The following NLGN1 variants were observed in gnomAD, a reference collection of about 807,000 sequenced individuals.
NLGN1 encodes neuroligin-1.
Under a neutral mutation model 65.5 loss-of-function variants are expected in NLGN1, and 12 were observed. The ratio of observed to expected loss-of-function variants is 0.18; its 90% CI spans 0.12 to 0.30. NLGN1 has a LOEUF of 0.30. Ranked by LOEUF, NLGN1 falls within the 10% of genes least tolerant of loss-of-function variation. The probability of loss-of-function intolerance (pLI) is 1.00; values close to 1 mark genes in which losing one functional copy is unlikely to be tolerated. For synonymous variants in NLGN1, 350 were observed against 359.5 expected (o/e 0.97, Z 0.30); for missense variants, 750 against 1,007.1 (o/e 0.74, Z 3.46).
intron 2 of NLGN1, among the ~76,000 whole-genome samples, chr3:173,507,666 T>G (rs1732250471): frequency 6.7e-6 from 1 of 149,800 alleles, no homozygotes; most frequent in Non-Finnish European, 1.5e-5. Context: ...CTTTCCTTAC[T>G]TTCCCAAATA....
chr3:173,421,217 C>A (rs1461436667), intron 1 of NLGN1, among the ~76,000 whole-genome samples: 1 of 151,878 alleles, frequency 6.6e-6, no homozygotes, highest in Non-Finnish European at 1.5e-5. Flanking sequence ...TTGAAATAAT[C>A]TTAAATGCCT....
chr3:173,767,049 C>T (rs1778885276), intron 3 of NLGN1, among the ~76,000 whole-genome samples: 1 of 152,026 alleles, frequency 6.6e-6, no homozygotes, highest in Non-Finnish European at 1.5e-5. Flanking sequence ...ACAATGTATC[C>T]TGAGAGGGTA....
intron 2 of NLGN1, among the ~76,000 whole-genome samples, chr3:173,500,350 A>G (rs1730856202): frequency 6.6e-6 from 1 of 152,184 alleles, no homozygotes; most frequent in Admixed American, 6.5e-5. Flanking sequence ...ATGCTGGATT[A>G]CGTTTATTGA....
intron 1 of NLGN1, among the ~76,000 whole-genome samples, chr3:173,406,276 G>C (rs1238138027): frequency 6.6e-6 from 1 of 151,608 alleles, no homozygotes; most frequent in Non-Finnish European, 1.5e-5. Flanking sequence ...TTTCCACCAA[G>C]AACAAAGAAA....
At chr3:173,484,316 T>G (rs1291717714) in intron 2 of NLGN1, among the ~76,000 whole-genome samples, 1 of 152,114 alleles carries the variant, frequency 6.6e-6, no homozygotes, top group Non-Finnish European at 1.5e-5. Context: ...AATTCAAACT[T>G]TGAAACATTT....
intron 2 of NLGN1, among the ~76,000 whole-genome samples, chr3:173,590,698 C>CA (rs1485143153): frequency 6.6e-6 from 1 of 151,954 alleles, no homozygotes; most frequent in Non-Finnish European, 1.5e-5. Flanking sequence ...TTCATTTTTG[C>CA]TTTTTAAAAA....
At chr3:173,904,679 C>A (rs1218673498) in intron 4 of NLGN1, among the ~76,000 whole-genome samples, 1 of 152,102 alleles carries the variant, frequency 6.6e-6, no homozygotes, top group Non-Finnish European at 1.5e-5. Flanking sequence ...CACTCATATT[C>A]TTTTCTGGGT....
intron 1 of NLGN1, among the ~76,000 whole-genome samples, chr3:173,429,464 A>C (rs532470286): frequency 1.3e-5 from 2 of 152,302 alleles, no homozygotes; most frequent in South Asian, 4.1e-4. Flanking sequence ...CTGAGAGGTA[A>C]AAAATCACCA....
chr3:173,725,776 G>A (rs777704287), intron 3 of NLGN1, among the ~76,000 whole-genome samples: 25 of 152,206 alleles, frequency 1.6e-4, no homozygotes, highest in Non-Finnish European at 2.8e-4. Flanking sequence ...GAGGCTTGAC[G>A]GGGGAAAGAT....
chr3:173,630,236 G>T (rs544685002), intron 3 of NLGN1, among the ~76,000 whole-genome samples: 7 of 152,206 alleles, frequency 4.6e-5, no homozygotes, highest in African/African-American at 1.7e-4. Context: ...GAATTCCAAG[G>T]GACAGAATTA....
intron 4 of NLGN1, among the ~76,000 whole-genome samples, chr3:173,822,284 C>G (rs61110650): frequency 0.013 from 2,025 of 152,204 alleles, 82 homozygotes; most frequent in East Asian, 0.13. Flanking sequence ...TTTTCTCTAC[C>G]TATTCAGAGT....
intron 3 of NLGN1, among the ~76,000 whole-genome samples, chr3:173,642,904 C>T (rs989304561): frequency 2.6e-5 from 4 of 152,004 alleles, no homozygotes; most frequent in African/African-American, 7.2e-5. Context: ...CTGACCAATA[C>T]GTTAGAATTA....
intron 4 of NLGN1, among the ~76,000 whole-genome samples, chr3:174,265,880 AT>A (rs1377613277): frequency 7.6e-5 from 11 of 144,398 alleles, no homozygotes; most frequent in Non-Finnish European, 1.4e-4. Flanking sequence ...GTTATAATAT[AT>A]ATATACGTAT....
In NLGN1 at chr3:174,127,044, A is replaced by G. The variant is rs150181125; in HGVS notation, c.647-148271A>G. ...TCTCACCATTTTTTCCAAAAATGTC[A>G]TGGGGATAATATGATTTTATAGGTT... On this transcript the variant is annotated intron_variant, in intron 4 of 6. Coordinates refer to ENST00000457714, the Ensembl canonical transcript of NLGN1. 2.9e-3 allele frequency among the ~76,000 whole-genome samples: 445 copies of G among 152,206 alleles called. 3 individuals carry two copies. The highest frequency in any genetic ancestry group is 0.01 in the African/African-American group (428 of 41,546).
intron 4 of NLGN1, among the ~76,000 whole-genome samples, chr3:174,244,362 A>G (rs760047666): frequency 5.9e-5 from 9 of 152,212 alleles, no homozygotes; most frequent in Non-Finnish European, 1.2e-4. Flanking sequence ...GTTATCTACT[A>G]AGATGAAATT....
At chr3:173,530,741 C>T (rs1048931485) in intron 2 of NLGN1, among the ~76,000 whole-genome samples, 2 of 152,010 alleles carry the variant, frequency 1.3e-5, no homozygotes, top group African/African-American at 4.8e-5. Flanking sequence ...TGAGCAAATG[C>T]CTGCTCTTTT....
intron 3 of NLGN1, among the ~76,000 whole-genome samples, chr3:173,635,373 T>G (rs958315441): frequency 6.6e-6 from 1 of 152,166 alleles, no homozygotes; most frequent in Non-Finnish European, 1.5e-5. Flanking sequence ...TTCTCATTGG[T>G]TCTCAAACAA....
intron 3 of NLGN1, among the ~76,000 whole-genome samples, chr3:173,779,730 CTG>C (rs1459705247): frequency 6.6e-6 from 1 of 152,044 alleles, no homozygotes; most frequent in African/African-American, 2.4e-5. Flanking sequence ...GAAAATCAAA[CTG>C]TGTTTCAGAT....
At chr3:174,191,014 T>TGTGC (rs1223905425) in intron 4 of NLGN1, among the ~76,000 whole-genome samples, 1 of 152,094 alleles carries the variant, frequency 6.6e-6, no homozygotes, top group East Asian at 1.9e-4. Flanking sequence ...TGTGTGTGTG[T>TGTGC]GTGCGTGTAA....
Sources: allele counts gnomAD v4.1 joint callset (sites outside exome capture counted in the v4.1 genomes callset), GRCh38; gene constraint gnomAD v4.1.1; transcripts MANE v1.5; gene names NCBI Gene and HGNC (gene_info 2026-07-23, HGNC 2026-07-21).